Variants in EP400 observed in about 807,000 individuals in gnomAD.
EP400 encodes the protein E1A binding protein p400.
Under a neutral mutation model 354.1 loss-of-function variants are expected in EP400, and 105 were observed. The observed-to-expected ratio is 0.30, with a 90% CI of 0.25 to 0.35. The LOEUF is 0.35. Among genes scored for constraint, EP400 ranks in the 10% least tolerant of loss-of-function variants. EP400 has a pLI of 1.00. For synonymous variants in EP400, 1,646 were observed against 1,716.9 expected (o/e 0.96, Z 1.02); for missense variants, 3,280 against 4,121.0 (o/e 0.80, Z 5.59).
In EP400 at chr12:132,029,054, T is replaced by C. The variant is rs1894397779; in HGVS notation, c.5382-647T>C. On this transcript the variant is annotated intron_variant, in intron 27 of 52. Coordinates refer to ENST00000389561, the MANE Select transcript of EP400 (RefSeq NM_015409.5). This position sits in a 1 kb window ranked among gnomAD's most constrained non-coding sequence, Gnocchi z 4.7. ...GCTTCTCCTGGTCTGGGAGTGACTA[T>C]GTCAGTGACCTTGTGCTCCTGGAGT... 1 of 152,814 alleles carries C rather than the reference T, an allele frequency of 6.5e-6. No homozygotes were observed. The highest frequency in any genetic ancestry group is 2.1e-4 in the South Asian group (1 of 4,850). 9.5% of individuals were successfully genotyped at this position (152,814 alleles called of 1,614,324 possible).
intron 52 of EP400, 49 bp from the exon 53 acceptor site, chr12:132,077,352 T>A: frequency 6.3e-7 from 1 of 1,579,602 alleles, no homozygotes; most frequent in Non-Finnish European, 8.6e-7. Context: ...TTCCTGTCCC[T>A]GGACTGAGTT....
At chr12:132,074,337 C>T (rs989738718) in intron 51 of EP400, among the ~76,000 whole-genome samples, 1 of 152,188 alleles carries the variant, frequency 6.6e-6, no homozygotes, top group Non-Finnish European at 1.5e-5. Context: ...TCACCTGTCT[C>T]TTCCCCACCG....
Position 132,054,899 on chromosome 12 carries a change from A to G in EP400, c.7729-75A>G. 6.9e-7 allele frequency: 1 copy of G among 1,442,686 alleles called. No homozygotes were observed. Among genetic ancestry groups the G allele is most frequent in the African/African-American group, 1.4e-5 (1 of 70,998 alleles). 89.4% of individuals were successfully genotyped at this position (1,442,686 alleles called of 1,614,324 possible). On this transcript the variant is annotated intron_variant, in intron 43 of 52. Coordinates refer to ENST00000389561, the MANE Select transcript of EP400 (RefSeq NM_015409.5). This position sits in a 1 kb window ranked among gnomAD's most constrained non-coding sequence, Gnocchi z 4.0. ...GGAGTTTGGATTTGATTCTGAATGAAGTGGAAGCCTTTGGAGGATTTATGC... is the reference window on the plus strand; with the variant it reads ...GGAGTTTGGATTTGATTCTGAATGAGGTGGAAGCCTTTGGAGGATTTATGC...
At chr12:132,015,884 C>T (rs1393636174) in intron 19 of EP400, among the ~76,000 whole-genome samples, 2 of 152,088 alleles carry the variant, frequency 1.3e-5, no homozygotes, top group Non-Finnish European at 2.9e-5. Context: ...GTCAGCTCCC[C>T]CCTCCTCTTG....
rs759123496 is a variant in EP400, at chr12:132,027,445, C to G, written c.5023C>G (p.Pro1675Ala). 5 of 1,613,978 alleles carry G rather than the reference C, an allele frequency of 3.1e-6. No individual in the cohort carries two copies. The African/African-American group carries it at 5.3e-5, about 17-fold the overall frequency. Reference sequence around the variant, plus strand: ...CCTTTATGCATTTGTAGTTGGCGTTCCGGGCCGCGTGGCGGTGAATGCCTT... The same window carrying G: ...CCTTTATGCATTTGTAGTTGGCGTTGCGGGCCGCGTGGCGGTGAATGCCTT... ...PAPLTPQVGV[P>A]GRVAVNALAV... The change falls in exon 26 of 53, where the codon CCG (proline) becomes GCG (alanine). Residue 1675 changes from proline to alanine, a missense_variant. Physicochemically the swap from Pro to Ala is conservative, Grantham distance 27. This residue lies in a region of EP400 where 459 missense variants were observed against 496.9 expected (regional missense o/e 0.92). Transcript: ENST00000389561. The surrounding 1 kb of genome is among the most constrained non-coding windows in gnomAD (Gnocchi z 4.9).
intron 6 of EP400, among the ~76,000 whole-genome samples, 176 bp downstream of exon 6, chr12:131,986,983 A>T (rs1274024767): frequency 1.3e-5 from 2 of 152,196 alleles, no homozygotes; most frequent in Non-Finnish European, 2.9e-5. Flanking sequence ...AAGCAGACTC[A>T]TGGGGGCAGT....
rs1234693371 is a variant in EP400, at chr12:132,050,740, G to A, written c.7394+85G>A. 1.1e-5 allele frequency: 17 copies of A among 1,540,080 alleles called. No homozygotes were observed. The highest frequency in any genetic ancestry group is 1.7e-4 in the Middle Eastern group (1 of 5,920). On this transcript the variant is annotated intron_variant, in intron 41 of 52. Coordinates refer to ENST00000389561, the MANE Select transcript of EP400 (RefSeq NM_015409.5). This position sits in a 1 kb window ranked among gnomAD's most constrained non-coding sequence, Gnocchi z 4.8. ...CTAAGTTCAGTGAGTTCAGCAAATC[G>A]TTGTGCACTTAGCGTGTTCAGGCAT...
At chr12:132,031,601 G>A (rs1350400860) in intron 29 of EP400, among the ~76,000 whole-genome samples, 7 of 152,248 alleles carry the variant, frequency 4.6e-5, no homozygotes, top group Admixed American at 4.6e-4. Flanking sequence ...CTCTGTCGCC[G>A]AGGCTGGAGT....
At chr12:131,985,600 C>T (rs551319877) in intron 5 of EP400, among the ~76,000 whole-genome samples, 1 of 152,234 alleles carries the variant, frequency 6.6e-6, no homozygotes, top group Non-Finnish European at 1.5e-5. Flanking sequence ...TGAGGTGGTG[C>T]GAAGAGGAGG....
chr12:131,988,803 T>C (rs1458491145), intron 7 of EP400, among the ~76,000 whole-genome samples: 1 of 152,168 alleles, frequency 6.6e-6, no homozygotes, highest in Non-Finnish European at 1.5e-5. Flanking sequence ...CTAGGGTCTT[T>C]GTTCATATTT....
At chr12:132,073,919 G>GGTTTTT (rs1896143100) in intron 51 of EP400, among the ~76,000 whole-genome samples, 1 of 82,124 alleles carries the variant, frequency 1.2e-5, no homozygotes, top group African/African-American at 5.7e-5. Flanking sequence ...GTTTTTTGGG[G>GGTTTTT]TTTTTTTTTT....
Position 131,982,451 on chromosome 12 carries a change from G to T in EP400, c.1902G>T (p.Gln634His). 1 of 1,611,108 alleles carries T rather than the reference G, an allele frequency of 6.2e-7. No individual in the cohort carries two copies. The highest frequency in any genetic ancestry group is 8.5e-7 in the Non-Finnish European group (1 of 1,177,602). ...HVPTPGKVQVQASQLSSLPQM... is the reference protein window; with the variant it reads ...HVPTPGKVQVHASQLSSLPQM... ...CCACACCTGGAAAGGTGCAGGTGCA[G>T]GCCTCTCAGCTTTCCTCCCTGCCAC... The change falls in exon 5 of 53, where the codon CAG becomes CAT. Residue 634 changes from glutamine to histidine, a missense_variant. Physicochemically the swap from Gln to His is conservative, Grantham distance 24. This residue lies in a region of EP400 where 800 missense variants were observed against 840.0 expected (regional missense o/e 0.95). Coordinates refer to ENST00000389561, the MANE Select transcript of EP400 (RefSeq NM_015409.5).
At position 131,961,083 on chromosome 12, in the gene EP400, C is replaced by T. The variant is rs1296725775; in HGVS notation, c.464C>T (p.Pro155Leu). The T allele has an allele frequency of 6.3e-6, 10 of 1,598,606 alleles. No homozygotes were observed. Among genetic ancestry groups the T allele is most frequent in the Non-Finnish European group, 8.5e-6 (10 of 1,172,660 alleles). The change falls in exon 2 of 53, where the codon CCT (proline) becomes CTT (leucine). Residue 155 changes from proline (P) to leucine (L), a missense_variant. Transcript: ENST00000389561. ...QALQNVRAGAPGPGLGLCSSS... is the reference protein window; with the variant it reads ...QALQNVRAGALGPGLGLCSSS... Reference sequence around the variant, plus strand: ...TTGCAGAATGTGCGTGCAGGTGCCCCTGGCCCTGGGCTGGGCCTCTGCAGC... The same window carrying T: ...TTGCAGAATGTGCGTGCAGGTGCCCTTGGCCCTGGGCTGGGCCTCTGCAGC...
At chr12:131,954,458 C>T (rs1291564434) in intron 1 of EP400, among the ~76,000 whole-genome samples, 2 of 152,084 alleles carry the variant, frequency 1.3e-5, no homozygotes, top group African/African-American at 2.4e-5. Context: ...GGCGCAGTGG[C>T]TCGTGCCTGT....
At chr12:131,995,239 T>TC (rs1175518618) in intron 12 of EP400, among the ~76,000 whole-genome samples, 12 of 152,042 alleles carry the variant, frequency 7.9e-5, no homozygotes, top group African/African-American at 2.7e-4. Flanking sequence ...TATGAATGAA[T>TC]CCACCACAGC....
Position 132,029,637 on chromosome 12 carries a change from G to T in EP400, c.5382-64G>T, listed in dbSNP as rs927642287. The T allele has an allele frequency of 2.6e-6, 4 of 1,542,766 alleles. No individual in the cohort carries two copies. The highest frequency in any genetic ancestry group is 2.7e-6 in the Non-Finnish European group (3 of 1,126,554). ...CAGAAGTCTGCCCCATCTTTCAGGAGCCCCCATGCTGGGTGAAGGTGTGTG... is the reference window on the plus strand; with the variant it reads ...CAGAAGTCTGCCCCATCTTTCAGGATCCCCCATGCTGGGTGAAGGTGTGTG... On this transcript the variant is annotated intron_variant, in intron 27 of 52. Coordinates refer to ENST00000389561, the MANE Select transcript of EP400 (RefSeq NM_015409.5). The surrounding 1 kb of genome is among the most constrained non-coding windows in gnomAD (Gnocchi z 4.7).
intron 51 of EP400, chr12:132,076,040 G>A (rs936730931): frequency 8.8e-6 from 2 of 226,010 alleles, no homozygotes; most frequent in Non-Finnish European, 1.8e-5. Flanking sequence ...TAAGAAGAAT[G>A]TAGAAAAATG....
intron 51 of EP400, among the ~76,000 whole-genome samples, chr12:132,074,783 A>G (rs1896180690): frequency 6.6e-6 from 1 of 152,038 alleles, no homozygotes; most frequent in Admixed American, 6.5e-5. Context: ...TTTTATCTTG[A>G]TGATTTATTA....
intron 39 of EP400, among the ~76,000 whole-genome samples, chr12:132,047,180 G>T (rs1292872439): frequency 6.6e-6 from 1 of 151,838 alleles, no homozygotes; most frequent in Non-Finnish European, 1.5e-5. Flanking sequence ...GCATTTGTTT[G>T]TTTTTTTTGT....
Sources: allele counts gnomAD v4.1 joint callset (sites outside exome capture counted in the v4.1 genomes callset), GRCh38; gene constraint gnomAD v4.1.1; regional missense constraint gnomAD v4.1.1; non-coding constraint Gnocchi (gnomAD v3.1); transcripts MANE v1.5; gene names NCBI Gene and HGNC (gene_info 2026-07-23, HGNC 2026-07-21).